Variants in UGT1A6 observed in about 807,000 individuals in gnomAD.
The protein encoded by UGT1A6 is UDP-glucuronosyltransferase 1A6.
Under a neutral mutation model 44.4 loss-of-function variants are expected in UGT1A6, and 32 were observed. The observed-to-expected ratio is 0.72, with a 90% CI of 0.54 to 0.97. The LOEUF (loss-of-function observed/expected upper bound fraction) is 0.97. Among genes scored for constraint, UGT1A6 ranks in the 50% least tolerant of loss-of-function variants. The pLI is 0.00. For missense variants in UGT1A6, 685 were observed against 661.9 expected (o/e 1.03, Z -0.38); for synonymous variants, 238 against 248.5 (o/e 0.96, Z 0.40).
chr2:233,698,831 G>A (rs1290977485), intron 1 of UGT1A6, among the ~76,000 whole-genome samples: 1 of 152,228 alleles, frequency 6.6e-6, no homozygotes, highest in Admixed American at 6.5e-5. Flanking sequence ...AGTAAGGCAG[G>A]ATCACTTCCC....
intron 1 of UGT1A6, chr2:233,755,083 C>G: frequency 1.5e-6 from 2 of 1,335,264 alleles, no homozygotes; most frequent in Non-Finnish European, 2.0e-6. Context: ...TCATAGATAT[C>G]GCGTTTCTAC....
chr2:233,729,669 C>A (rs1433524187), intron 1 of UGT1A6: 1 of 1,613,792 alleles, frequency 6.2e-7, no homozygotes, highest in African/African-American at 1.3e-5. Context: ...GTGATTTAGA[C>A]TTTAAGGGCA....
At chr2:233,772,160 G>A in intron 4 of UGT1A6, 102 bp from the exon 5 acceptor site, 1 of 1,565,444 alleles carries the variant, frequency 6.4e-7, no homozygotes, top group Non-Finnish European at 8.7e-7. Flanking sequence ...CCTTTCCCAA[G>A]TTTGGAAAAT....
At position 233,772,394 on chromosome 2, in the gene UGT1A6, C is replaced by T. The variant is rs369610863; in HGVS notation, c.1434C>T (p.His478=). Reference sequence around the variant, plus strand: ...CGCCACACCTGCGCCCCGCAGCCCACGACCTCACCTGGTACCAGTACCATT... The same window carrying T: ...CGCCACACCTGCGCCCCGCAGCCCATGACCTCACCTGGTACCAGTACCATT... ...KGAPHLRPAA[H]DLTWYQYHSL... The change falls in exon 5 of 5, where the codon CAC becomes CAT. Residue 478 remains histidine, a synonymous_variant. Coordinates refer to ENST00000305139, the MANE Select transcript of UGT1A6 (RefSeq NM_001072.4). 1.2e-5 allele frequency: 19 copies of T among 1,614,144 alleles called. No homozygotes were observed. The highest frequency in any genetic ancestry group is 1.2e-4 in the Admixed American group (7 of 60,014).
At chr2:233,753,529 A>G (rs538276746) in intron 1 of UGT1A6, 1 of 152,278 alleles carries the variant, frequency 6.6e-6, no homozygotes, top group East Asian at 1.9e-4. Flanking sequence ...TTTTGCTCTC[A>G]TGCAAACTTT....
At chr2:233,698,178 TATG>T (rs768933857) in intron 1 of UGT1A6, among the ~76,000 whole-genome samples, 4 of 152,222 alleles carry the variant, frequency 2.6e-5, no homozygotes, top group Non-Finnish European at 5.9e-5. Flanking sequence ...CATTCTGTAT[TATG>T]ATATGTAATT....
chr2:233,757,806 A>G (rs1052183239), intron 1 of UGT1A6, among the ~76,000 whole-genome samples: 1 of 151,788 alleles, frequency 6.6e-6, no homozygotes, highest in Non-Finnish European at 1.5e-5. Context: ...AGGAGATGAA[A>G]GGAGCTGGTA....
chr2:233,768,189 C>T, intron 3 of UGT1A6, 31 bp from the exon 4 acceptor site: 1 of 1,614,040 alleles, frequency 6.2e-7, no homozygotes. Flanking sequence ...AGAGATGTAA[C>T]TGCTGACATC....
In UGT1A6 at chr2:233,772,428, G is replaced by A. The variant is rs747543462; in HGVS notation, c.1468G>A (p.Val490Met). The change falls in exon 5 of 5, where the codon GTG becomes ATG. Residue 490 changes from valine (V) to methionine (M), a missense_variant. Coordinates refer to ENST00000305139, the MANE Select transcript of UGT1A6 (RefSeq NM_001072.4). ...CTGGTACCAGTACCATTCCTTGGAC[G>A]TGATTGGTTTCCTCTTGGCCGTCGT... The part of the protein sequence containing the change: ...LTWYQYHSLD[V>M]IGFLLAVVLT... 9 of 1,614,096 alleles carry A rather than the reference G, an allele frequency of 5.6e-6. No homozygotes were observed. The highest frequency in any genetic ancestry group is 3.3e-5 in the Admixed American group (2 of 60,006).
intron 1 of UGT1A6, among the ~76,000 whole-genome samples, chr2:233,725,192 A>C (rs1239126007): frequency 1.2e-5 from 1 of 85,448 alleles, no homozygotes; most frequent in African/African-American, 8.6e-5. Flanking sequence ...AGGCAGAGGC[A>C]GAGGCAGAGG....
At chr2:233,756,092 A>T (rs1575740943) in intron 1 of UGT1A6, 1 of 152,228 alleles carries the variant, frequency 6.6e-6, no homozygotes, top group Admixed American at 6.5e-5. Flanking sequence ...ATCAAGTAAC[A>T]TTATTACGGA....
In UGT1A6 at chr2:233,743,533, T is replaced by C. The variant is rs755870649; in HGVS notation, c.862-23501T>C. 6.6e-6 allele frequency: 9 copies of C among 1,367,096 alleles called. No individual in the cohort carries two copies. The African/African-American group carries it at 1.0e-4, about 16-fold the overall frequency. The allele number at this position is 1,367,096 out of a possible 1,614,324, so 84.7% of individuals were successfully genotyped here. ...CGCTCTGCTTCTGCTTCCCCAGCAG[T>C]TCCTCTGACCCCCCCAAAATATTCT... On this transcript the variant is annotated intron_variant, in intron 1 of 4. Coordinates refer to ENST00000305139, the MANE Select transcript of UGT1A6 (RefSeq NM_001072.4).
Position 233,767,098 on chromosome 2 carries a change from T to C in UGT1A6, c.926T>C (p.Met309Thr). 1.2e-6 allele frequency: 2 copies of C among 1,614,160 alleles called. No homozygotes were observed. Among genetic ancestry groups the C allele is most frequent in the Non-Finnish European group, 8.5e-7 (1 of 1,180,018 alleles). The change falls in exon 2 of 5, where the codon ATG (methionine) becomes ACG (threonine). Residue 309 changes from methionine to threonine, a missense_variant. Transcript: ENST00000305139. Reference protein sequence around the residue: ...HGIVVFSLGSMVSEIPEKKAM... With the variant: ...HGIVVFSLGSTVSEIPEKKAM... ...ATTGTGGTTTTCTCTTTGGGATCAA[T>C]GGTCTCAGAAATTCCAGAGAAGAAA... is the stretch of plus-strand genomic sequence containing the variant.
At chr2:233,700,844 G>A (rs1050489871) in intron 1 of UGT1A6, among the ~76,000 whole-genome samples, 3 of 151,850 alleles carry the variant, frequency 2.0e-5, no homozygotes, top group African/African-American at 4.8e-5. Flanking sequence ...TTAGCATTAG[G>A]TATATCTCCT....
At chr2:233,748,877 GAAT>G (rs1390549231) in intron 1 of UGT1A6, among the ~76,000 whole-genome samples, 4 of 151,560 alleles carry the variant, frequency 2.6e-5, no homozygotes, top group Non-Finnish European at 4.4e-5. Flanking sequence ...GGACGGTGAT[GAAT>G]GGACATGTGT....
Sources: allele counts gnomAD v4.1 joint callset (sites outside exome capture counted in the v4.1 genomes callset), GRCh38; gene constraint gnomAD v4.1.1; transcripts MANE v1.5; gene names NCBI Gene and HGNC (gene_info 2026-07-23, HGNC 2026-07-21).